ANKRD11: variants seen among roughly 807,000 people sequenced by gnomAD.
ANKRD11 encodes the protein ankyrin repeat domain 11.
In ANKRD11, 17 loss-of-function variants were observed where a neutral mutation model predicts 195.7. The observed-to-expected ratio is 0.09, with a 90% CI of 0.06 to 0.13. The LOEUF (loss-of-function observed/expected upper bound fraction) is 0.13, where lower values mean the gene tolerates loss of function less well. Among genes scored for constraint, ANKRD11 ranks in the 10% least tolerant of loss-of-function variants. The probability of loss-of-function intolerance (pLI) is 1.00; values close to 1 mark genes in which losing one functional copy is unlikely to be tolerated. For synonymous variants in ANKRD11, 1,953 were observed against 1,528.1 expected (o/e 1.28, Z -6.49); for missense variants, 3,735 against 3,566.1 (o/e 1.05, Z -1.21).
rs989756186 is a variant in ANKRD11, at chr16:89,359,045, C to A, written c.-59-41967G>T. Among the ~76,000 whole-genome samples, 8 of 152,112 alleles carry A rather than the reference C, an allele frequency of 5.3e-5. No individual in the cohort carries two copies. The East Asian group carries it at 1.5e-3, about 29-fold the overall frequency. The stretch of plus-strand genomic sequence containing the variant: ...ATACATTTCTTATATATGTCTAAAT[C>A]GTCAGTATTAAACACTGACAGAGCA... On this transcript the variant is annotated intron_variant, in intron 2 of 12. Coordinates refer to ENST00000301030, the MANE Select transcript of ANKRD11 (RefSeq NM_013275.6).
At chr16:89,461,897 C>A (rs1325442421) in intron 1 of ANKRD11, among the ~76,000 whole-genome samples, 1 of 152,214 alleles carries the variant, frequency 6.6e-6, no homozygotes, top group Non-Finnish European at 1.5e-5. Flanking sequence ...ACTGCCCTCT[C>A]CCCTCCTCTG....
intron 2 of ANKRD11, among the ~76,000 whole-genome samples, chr16:89,377,288 T>A (rs896316244): frequency 2.6e-5 from 4 of 151,854 alleles, no homozygotes; most frequent in African/African-American, 7.3e-5. Context: ...AGAGAGAGCA[T>A]CATGAGTGTC....
rs753215685 is a variant in ANKRD11 at position 89,280,615 on chromosome 16, C to T, written c.5927G>A (p.Gly1976Asp). ...TSENPVSWPVGSDLLLKSPQR... is the reference protein window; with the variant it reads ...TSENPVSWPVDSDLLLKSPQR... ...TGGAGACTTCAGCAGGAGGTCCGAG[C>T]CCACAGGCCAGCTCACAGGGTTTTC... is the stretch of plus-strand genomic sequence containing the variant. Residue 1976 changes from glycine to aspartate, a missense_variant, in exon 9 of 13, where the codon GGC becomes GAC. Transcript: ENST00000301030. 5 of 1,613,482 alleles carry T rather than the reference C, an allele frequency of 3.1e-6. 1 individual carries two copies. In the South Asian group the frequency reaches 4.4e-5, roughly 14 times the overall value.
chr16:89,324,951 C>T (rs1488045758), intron 2 of ANKRD11: 3 of 179,952 alleles, frequency 1.7e-5, no homozygotes, highest in Non-Finnish European at 3.5e-5. Flanking sequence ...CTCTAGAGAA[C>T]CCTGACTCGT....
intron 1 of ANKRD11, among the ~76,000 whole-genome samples, chr16:89,470,592 T>C (rs2057044029): frequency 6.6e-6 from 1 of 152,170 alleles, no homozygotes; most frequent in Non-Finnish European, 1.5e-5. Flanking sequence ...ACGCCTCTAA[T>C]CCCAGCACTT....
chr16:89,441,494 G>A lies in ANKRD11; in HGVS notation c.-144-23126C>T, dbSNP rs189234749. Among the ~76,000 whole-genome samples, 134 of 151,340 alleles carry A rather than the reference G, an allele frequency of 8.9e-4. 1 individual carries two copies. Among genetic ancestry groups the A allele is most frequent in the African/African-American group, 2.6e-3 (107 of 41,168 alleles). ...AAAAAATACGCAAACCTGGCCGGGC[G>A]CGGTGGCTCACGCCTGTAATCCCAG... On this transcript the variant is annotated intron_variant, in intron 1 of 12. Coordinates refer to ENST00000301030, the MANE Select transcript of ANKRD11 (RefSeq NM_013275.6).
rs1027326983 is a variant in ANKRD11 at position 89,279,798 on chromosome 16, C to G, written c.6744G>C (p.Gln2248His). ...CCTGGTCTCCGCTCCCCAGTGGGCG[C>G]TGTTCTGGGGGAACGGGCGCGGGCT... ...SVEPAPVPPEQRPLGSGDQGA... is the reference protein window; with the variant it reads ...SVEPAPVPPEHRPLGSGDQGA... The change falls in exon 9 of 13, where the codon CAG becomes CAC. Residue 2248 changes from glutamine to histidine, a missense_variant. Transcript: ENST00000301030. This position sits in a 1 kb window ranked among gnomAD's most constrained non-coding sequence, Gnocchi z 5.6. The G allele has an allele frequency of 2.6e-6, 4 of 1,539,050 alleles. No individual in the cohort carries two copies. The African/African-American group carries it at 4.1e-5, about 16-fold the overall frequency.
At chr16:89,435,427 A>T (rs2043172962) in intron 1 of ANKRD11, among the ~76,000 whole-genome samples, 1 of 152,010 alleles carries the variant, frequency 6.6e-6, no homozygotes, top group African/African-American at 2.4e-5. Flanking sequence ...CTTCACAATA[A>T]ATCTTGCTGC....
At chr16:89,405,631 G>C (rs893225776) in intron 2 of ANKRD11, among the ~76,000 whole-genome samples, 48 of 152,092 alleles carry the variant, frequency 3.2e-4, no homozygotes, top group Admixed American at 1.2e-3. Context: ...GCCATGCCCG[G>C]CTTTCTAGGT....
At chr16:89,354,793 G>A (rs1358131340) in intron 2 of ANKRD11, among the ~76,000 whole-genome samples, 1 of 152,176 alleles carries the variant, frequency 6.6e-6, no homozygotes, top group Non-Finnish European at 1.5e-5. Flanking sequence ...GGCTGAGGCA[G>A]GAGAAATCGC....
intron 2 of ANKRD11, among the ~76,000 whole-genome samples, chr16:89,390,966 C>T (rs1170008224): frequency 1.3e-5 from 2 of 152,142 alleles, no homozygotes; most frequent in Admixed American, 6.5e-5. Flanking sequence ...CCATGGCTCA[C>T]GCCTGTAATC....
rs969859736 is a variant in ANKRD11 at position 89,426,532 on chromosome 16, C to CAT, written c.-144-8165_-144-8164insAT. On this transcript the variant is annotated intron_variant, in intron 1 of 12. Coordinates refer to ENST00000301030, the MANE Select transcript of ANKRD11 (RefSeq NM_013275.6). ...GGCTCTGATGGTCACTTAAACATCACACACACACACACACACACACACACA... is the reference window on the plus strand; with the variant it reads ...GGCTCTGATGGTCACTTAAACATCACATACACACACACACACACACACACACA... Among the ~76,000 whole-genome samples the CAT allele has an allele frequency of 1.9e-4, 27 of 144,706 alleles. No homozygotes were observed. In the East Asian group the frequency reaches 5.5e-3, roughly 29 times the overall value. 94.9% of individuals were successfully genotyped at this position (144,706 alleles called of 152,430 possible). A position where few individuals can be genotyped will look rare whatever the true frequency, so the allele number is the denominator to read the frequency against.
At position 89,279,407 on chromosome 16, in the gene ANKRD11, C is replaced by T. The variant is rs1346337452; in HGVS notation, c.7135G>A (p.Ala2379Thr). The T allele has an allele frequency of 1.9e-6, 3 of 1,540,224 alleles. No homozygotes were observed. The highest frequency in any genetic ancestry group is 1.9e-5 in the Admixed American group (1 of 51,930). ...AKARGSEDDD[A>T]QAQHPRKRRF... ...CGTTTGCGCGGATGCTGGGCCTGGGCGTCGTCGTCCTCGGAGCCGCGGGCC... is the reference window on the plus strand; with the variant it reads ...CGTTTGCGCGGATGCTGGGCCTGGGTGTCGTCGTCCTCGGAGCCGCGGGCC... Residue 2379 changes from alanine (A) to threonine (T), a missense_variant, in exon 9 of 13, where the codon GCC becomes ACC. Coordinates refer to ENST00000301030, the MANE Select transcript of ANKRD11 (RefSeq NM_013275.6). The surrounding 1 kb of genome is among the most constrained non-coding windows in gnomAD (Gnocchi z 5.6).
At chr16:89,324,683 G>A (rs1206134743) in intron 2 of ANKRD11, 5 of 358,016 alleles carry the variant, frequency 1.4e-5, no homozygotes, top group African/African-American at 6.4e-5. Context: ...TCCTGCCCTC[G>A]AACATCAGAC....
Position 89,275,174 on chromosome 16 carries a change from G to C in ANKRD11, c.7488C>G (p.Ser2496=), listed in dbSNP as rs753798424. Residue 2496 remains serine (S), a synonymous_variant, in exon 10 of 13, where the codon TCC becomes TCG. Coordinates refer to ENST00000301030, the MANE Select transcript of ANKRD11 (RefSeq NM_013275.6). ...ACAGCTCCTTCAGGGGCTCCGCCAGGGAGGGAGGGGGTGCGATCTACAGGC... is the reference window on the plus strand; with the variant it reads ...ACAGCTCCTTCAGGGGCTCCGCCAGCGAGGGAGGGGGTGCGATCTACAGGC... ...LHIPVIAPPP[S]LAEPLKELFR... The C allele has an allele frequency of 6.2e-7, 1 of 1,608,900 alleles. No homozygotes were observed. Among genetic ancestry groups the C allele is most frequent in the African/African-American group, 1.3e-5 (1 of 74,884 alleles).
At chr16:89,294,658 A>G (rs3102368) in intron 4 of ANKRD11, among the ~76,000 whole-genome samples, 105,599 of 152,052 alleles carry the variant, frequency 0.69, 37,321 homozygotes, top group Non-Finnish European at 0.72. Context: ...CTCCATTCCA[A>G]CCCAGCGACA....
At position 89,281,376 on chromosome 16, in the gene ANKRD11, G is replaced by A. The variant is rs1490360414; in HGVS notation, c.5166C>T (p.Pro1722=). 1.2e-6 allele frequency: 2 copies of A among 1,609,748 alleles called. No homozygotes were observed. The highest frequency in any genetic ancestry group is 1.3e-5 in the African/African-American group (1 of 74,912). Residue 1722 remains proline, a synonymous_variant, in exon 9 of 13, where the codon CCC becomes CCT. Transcript: ENST00000301030. The surrounding 1 kb of genome is among the most constrained non-coding windows in gnomAD (Gnocchi z 5.5). ...CPSYEEVMHT[P]RTPSCSADDY... Reference sequence around the variant, plus strand: ...CATCGGCGCTGCAGGACGGGGTCCTGGGCGTGTGCATCACCTCCTCGTAGC... The same window carrying A: ...CATCGGCGCTGCAGGACGGGGTCCTAGGCGTGTGCATCACCTCCTCGTAGC...
chr16:89,418,135 G>C, intron 2 of ANKRD11, 149 bp downstream of exon 2: 1 of 388,798 alleles, frequency 2.6e-6, no homozygotes, highest in Non-Finnish European at 5.3e-6. Context: ...TACACTCTAA[G>C]TGAAATCCAG....
Position 89,288,035 on chromosome 16 carries a change from A to C in ANKRD11, c.744+493T>G, listed in dbSNP as rs1475903766. 6 of 530,562 alleles carry C rather than the reference A, an allele frequency of 1.1e-5. No homozygotes were observed. In the East Asian group the frequency reaches 1.5e-4, roughly 13 times the overall value. The allele number at this position is 530,562 out of a possible 1,614,324, so 32.9% of individuals were successfully genotyped here. ...CACACCACGACCTCTCTCGACCCCC[A>C]CAGAGGCTGAGACCTCTCAGTGCCC... On this transcript the variant is annotated intron_variant, in intron 7 of 12. Coordinates refer to ENST00000301030, the MANE Select transcript of ANKRD11 (RefSeq NM_013275.6).
Sources: allele counts gnomAD v4.1 joint callset (sites outside exome capture counted in the v4.1 genomes callset), GRCh38; gene constraint gnomAD v4.1.1; non-coding constraint Gnocchi (gnomAD v3.1); transcripts MANE v1.5; gene names NCBI Gene and HGNC (gene_info 2026-07-23, HGNC 2026-07-21).